Variants in POLA1 observed in about 807,000 individuals in gnomAD.
POLA1 encodes the protein DNA polymerase alpha catalytic subunit.
In POLA1, 15 loss-of-function variants were observed where a neutral mutation model predicts 124.0. That is an observed-to-expected ratio of 0.12 (90% CI 0.08 to 0.19). The LOEUF is 0.19. POLA1 is among the 10% of genes least tolerant of loss of function. POLA1 has a pLI of 1.00. For missense variants in POLA1, 886 were observed against 1,103.4 expected, an observed-to-expected ratio of 0.80 and a Z score of 2.79; for synonymous variants, 408 against 389.4, an observed-to-expected ratio of 1.05 and a Z score of -0.56.
chrX:24,907,183 T>A (rs896407806), intron 35 of POLA1, among the ~76,000 whole-genome samples: 1 of 110,717 alleles, frequency 9.0e-6, no homozygotes, highest in African/African-American at 3.3e-5. Context: ...AGAGCAAGAC[T>A]CTGTCTTAAA....
intron 17 of POLA1, among the ~76,000 whole-genome samples, chrX:24,734,907 C>T (rs890062307): frequency 4.5e-5 from 5 of 112,143 alleles, no homozygotes; most frequent in South Asian, 3.7e-4. Flanking sequence ...TGAGCCACTG[C>T]GCCCAGCCAC....
intron 22 of POLA1, 45 bp downstream of exon 22, chrX:24,742,166 C>G (rs375500727): frequency 7.5e-5 from 66 of 876,952 alleles, no homozygotes; most frequent in Non-Finnish European, 9.8e-5. Flanking sequence ...TTAACCCCCC[C>G]CCCCCTTTTA....
intron 35 of POLA1, among the ~76,000 whole-genome samples, chrX:24,923,115 G>A (rs191857044): frequency 9.0e-6 from 1 of 111,489 alleles, no homozygotes; most frequent in Non-Finnish European, 1.9e-5. Flanking sequence ...GAAGCCAGCC[G>A]TGTCTCCTCA....
intron 4 of POLA1, among the ~76,000 whole-genome samples, chrX:24,709,224 C>T (rs1356430466): frequency 8.2e-5 from 8 of 97,923 alleles, no homozygotes; most frequent in African/African-American, 2.1e-4. Context: ...CCGGACAGGG[C>T]GGCTGGCCGG....
chrX:24,712,912 C>G (rs1275870972), intron 4 of POLA1, among the ~76,000 whole-genome samples: 5 of 111,654 alleles, frequency 4.5e-5, no homozygotes, highest in African/African-American at 1.3e-4. Flanking sequence ...ACTTTATGTT[C>G]TGTTTCATTT....
In POLA1 at chrX:24,877,920, T is replaced by C. The variant is rs944069142; in HGVS notation, c.4048-10086T>C. On this transcript the variant is annotated intron_variant, in intron 34 of 36. Coordinates refer to ENST00000379068, the MANE Select transcript of POLA1 (RefSeq NM_001330360.2). ...GAGGGAGGGAGTTTTTTTTTGTTTT[T>C]TTTTTTGTTTTTTTTTTAGTGACCA... 7.4e-5 allele frequency among the ~76,000 whole-genome samples: 8 copies of C among 108,645 alleles called. No homozygotes were observed. In the East Asian group the frequency reaches 2.3e-3, roughly 31 times the overall value. 94.3% of individuals were successfully genotyped at this position (108,645 alleles called of 115,157 possible). A position where few individuals can be genotyped will look rare whatever the true frequency, so the allele number is the denominator to read the frequency against.
At chrX:24,842,359 C>T (rs963930627) in intron 33 of POLA1, among the ~76,000 whole-genome samples, 2 of 111,690 alleles carry the variant, frequency 1.8e-5, no homozygotes, top group South Asian at 7.6e-4. Context: ...TCAAGAAGTA[C>T]TGCCAAAAAA....
chrX:24,832,930 T>C (rs1388721666), intron 32 of POLA1, among the ~76,000 whole-genome samples: 2 of 112,083 alleles, frequency 1.8e-5, no homozygotes, highest in African/African-American at 6.5e-5. Context: ...TTATTTCAGA[T>C]GGTTTTGGGG....
chrX:24,704,321 G>A lies in POLA1; in HGVS notation c.266-68G>A, dbSNP rs1928654870. 6 of 781,627 alleles carry A rather than the reference G, an allele frequency of 7.7e-6. No homozygotes were observed. The South Asian group carries it at 1.3e-4, about 17-fold the overall frequency. 64.4% of individuals were successfully genotyped at this position (781,627 alleles called of 1,213,427 possible). A position where few individuals can be genotyped will look rare whatever the true frequency, so the allele number is the denominator to read the frequency against. ...CTGAGCAGGTATAAAAGGTTTTTTT[G>A]GTCATGGCTAAAATATTATTGGCCA... is the stretch of plus-strand genomic sequence containing the variant. On this transcript the variant is annotated intron_variant, in intron 3 of 36. Transcript: ENST00000379068.
chrX:24,860,559 T>A (rs2147097070), intron 34 of POLA1, among the ~76,000 whole-genome samples: 1 of 112,767 alleles, frequency 8.9e-6, no homozygotes, highest in East Asian at 2.8e-4. Context: ...AACTTGAGTA[T>A]GTGGTACAGA....
At chrX:24,917,622 G>A (rs2047553734) in intron 35 of POLA1, among the ~76,000 whole-genome samples, 2 of 111,249 alleles carry the variant, frequency 1.8e-5, no homozygotes, top group Admixed American at 9.6e-5. Context: ...CAAACCAATG[G>A]ACTCCACTAA....
chrX:24,807,652 C>T (rs2045822567), intron 26 of POLA1, among the ~76,000 whole-genome samples: 2 of 111,842 alleles, frequency 1.8e-5, no homozygotes, highest in Admixed American at 9.5e-5. Context: ...TAGGCACAAA[C>T]ATGTGGTCTG....
chrX:24,901,707 A>G (rs1157914654), intron 35 of POLA1, among the ~76,000 whole-genome samples: 1 of 111,387 alleles, frequency 9.0e-6, no homozygotes, highest in East Asian at 2.8e-4. Context: ...ATGCATTTTA[A>G]AGCTAAAACT....
chrX:24,915,877 A>G (rs899035476), intron 35 of POLA1, among the ~76,000 whole-genome samples: 11 of 112,150 alleles, frequency 9.8e-5, no homozygotes, highest in African/African-American at 3.6e-4. Context: ...TATCTGTCTC[A>G]GAGTAATTGA....
chrX:24,877,553 G>T, intron 34 of POLA1, among the ~76,000 whole-genome samples: 1 of 111,837 alleles, frequency 8.9e-6, no homozygotes, highest in Non-Finnish European at 1.9e-5. Flanking sequence ...CTTGGAGCAG[G>T]CCAGAAGAGT....
intron 36 of POLA1, among the ~76,000 whole-genome samples, chrX:24,964,630 C>A (rs924199427): frequency 2.7e-5 from 3 of 112,575 alleles, no homozygotes; most frequent in Non-Finnish European, 5.6e-5. Context: ...TTGAAAGGCA[C>A]TTGACACCAG....
chrX:24,952,282 T>A (rs901523167), intron 36 of POLA1, among the ~76,000 whole-genome samples: 1 of 112,276 alleles, frequency 8.9e-6, no homozygotes, highest in Non-Finnish European at 1.9e-5. Context: ...CCTTTTGTAT[T>A]TCTCAGTTAA....
intron 36 of POLA1, 78 bp downstream of exon 36, chrX:24,930,627 C>A: frequency 1.6e-6 from 1 of 639,601 alleles, no homozygotes. Context: ...CTGTGTCAGG[C>A]TGTTCATGCA....
chrX:24,835,288 G>A (rs1161783634), intron 32 of POLA1, among the ~76,000 whole-genome samples: 1 of 110,584 alleles, frequency 9.0e-6, no homozygotes, highest in African/African-American at 3.3e-5. Flanking sequence ...CTGACCTCAG[G>A]TGATTCTCCT....
Sources: allele counts gnomAD v4.1 joint callset (sites outside exome capture counted in the v4.1 genomes callset), GRCh38; gene constraint gnomAD v4.1.1; transcripts MANE v1.5; gene names NCBI Gene and HGNC (gene_info 2026-07-23, HGNC 2026-07-21).